CREB5: variants seen among roughly 807,000 people sequenced by gnomAD.
CREB5 encodes cAMP responsive element binding protein 5, also known as cyclic AMP-responsive element-binding protein 5.
A neutral mutation model predicts 57.1 loss-of-function variants in CREB5; 19 were observed. The observed-to-expected ratio is 0.33, with a 90% CI of 0.23 to 0.49. CREB5 has a LOEUF of 0.49. Among genes scored for constraint, CREB5 ranks in the 20% least tolerant of loss-of-function variants. The pLI is 0.99. For missense variants in CREB5, 579 were observed against 671.6 expected (o/e 0.86, Z 1.52); for synonymous variants, 238 against 238.3 (o/e 1.00, Z 0.01).
chr7:28,718,110 C>T (rs574919212), intron 5 of CREB5, among the ~76,000 whole-genome samples: 1 of 152,328 alleles, frequency 6.6e-6, no homozygotes, highest in East Asian at 1.9e-4. Context: ...CCTAACACCT[C>T]GCGTTATTAT....
intron 1 of CREB5, among the ~76,000 whole-genome samples, chr7:28,415,890 T>C (rs754552612): frequency 6.6e-6 from 1 of 152,216 alleles, no homozygotes; most frequent in Non-Finnish European, 1.5e-5. Flanking sequence ...CTGTCTGTAA[T>C]ACATTATCTT....
chr7:28,663,386 G>T (rs1276076061), intron 5 of CREB5, among the ~76,000 whole-genome samples: 1 of 151,904 alleles, frequency 6.6e-6, no homozygotes, highest in Non-Finnish European at 1.5e-5. Flanking sequence ...TGTGGGTTTT[G>T]TAGAGATGGG....
chr7:28,696,799 CG>C (rs953682774), intron 5 of CREB5, among the ~76,000 whole-genome samples: 1 of 147,952 alleles, frequency 6.8e-6, no homozygotes, highest in African/African-American at 2.6e-5. Flanking sequence ...TATACGTATA[CG>C]TATATATACA....
intron 1 of CREB5, among the ~76,000 whole-genome samples, chr7:28,423,084 T>C (rs1435112220): frequency 6.6e-6 from 1 of 152,114 alleles, no homozygotes; most frequent in Non-Finnish European, 1.5e-5. Context: ...CTTCCCTCCC[T>C]TCTTCCTTTT....
At chr7:28,319,449 T>A (rs1238097708) in intron 1 of CREB5, among the ~76,000 whole-genome samples, 1 of 152,196 alleles carries the variant, frequency 6.6e-6, no homozygotes, top group Non-Finnish European at 1.5e-5. Flanking sequence ...GTCCTTTGAT[T>A]CCCAAGATTC....
intron 4 of CREB5, among the ~76,000 whole-genome samples, chr7:28,516,620 T>A (rs1167039411): frequency 1.3e-5 from 2 of 152,124 alleles, no homozygotes; most frequent in East Asian, 3.9e-4. Flanking sequence ...TCAGTCCAAG[T>A]GGATTCTAGT....
chr7:28,376,052 C>G (rs1315280568), intron 1 of CREB5, among the ~76,000 whole-genome samples: 1 of 152,114 alleles, frequency 6.6e-6, no homozygotes, highest in African/African-American at 2.4e-5. Context: ...CCAGCTTCTC[C>G]CAACTGCTGT....
At chr7:28,688,286 A>T (rs1189274410) in intron 5 of CREB5, among the ~76,000 whole-genome samples, 2 of 152,160 alleles carry the variant, frequency 1.3e-5, no homozygotes, top group African/African-American at 4.8e-5. Context: ...GGCAGAGTAG[A>T]CAAGGGGGAG....
intron 4 of CREB5, among the ~76,000 whole-genome samples, chr7:28,567,462 GAT>G (rs1795528040): frequency 1.3e-5 from 2 of 152,196 alleles, no homozygotes; most frequent in East Asian, 3.8e-4. Flanking sequence ...TGAGCACTCT[GAT>G]ATATCAGGCA....
intron 3 of CREB5, among the ~76,000 whole-genome samples, chr7:28,496,903 G>A (rs145855061): frequency 1.3e-5 from 2 of 152,118 alleles, no homozygotes; most frequent in East Asian, 3.9e-4. Flanking sequence ...TAACAGCCTA[G>A]AAGGATTAGG....
chr7:28,593,872 A>G lies in CREB5; in HGVS notation c.464+23335A>G, dbSNP rs141172718. On this transcript the variant is annotated intron_variant, in intron 5 of 10. Transcript: ENST00000357727. ...ATCCGTTAGTGACATAAAGCCTGCC[A>G]AGTGGGAAAGAGTAAAACTATAGGA... is the stretch of plus-strand genomic sequence containing the variant. Among the ~76,000 whole-genome samples, 48 of 152,350 alleles carry G rather than the reference A, an allele frequency of 3.2e-4. No homozygotes were observed. The East Asian group carries it at 9.3e-3, about 29-fold the overall frequency.
chr7:28,465,939 C>T (rs1330550765), intron 1 of CREB5, among the ~76,000 whole-genome samples: 2 of 152,070 alleles, frequency 1.3e-5, no homozygotes, highest in African/African-American at 4.8e-5. Context: ...TGCCTCTCTG[C>T]AATGTAGCAA....
intron 1 of CREB5, among the ~76,000 whole-genome samples, chr7:28,476,088 C>T (rs1583510485): frequency 6.6e-6 from 1 of 152,148 alleles, no homozygotes; most frequent in Non-Finnish European, 1.5e-5. Context: ...CAAACCTACC[C>T]AAGCTTATAG....
At chr7:28,437,412 A>C (rs1789004979) in intron 1 of CREB5, among the ~76,000 whole-genome samples, 1 of 152,134 alleles carries the variant, frequency 6.6e-6, no homozygotes, top group Non-Finnish European at 1.5e-5. Context: ...AAACTTGCCA[A>C]GAGAGATCAC....
chr7:28,751,562 C>T (rs1448295767), intron 7 of CREB5, among the ~76,000 whole-genome samples: 1 of 145,700 alleles, frequency 6.9e-6, no homozygotes, highest in Admixed American at 6.7e-5. Context: ...GGAATAGACA[C>T]ATGTTGTTTT....
chr7:28,537,164 G>A (rs216724), intron 4 of CREB5, among the ~76,000 whole-genome samples: 91,619 of 151,848 alleles, frequency 0.6, 27,816 homozygotes, highest in South Asian at 0.71. Context: ...AGTCCAGTCA[G>A]ATTTTTTCTA....
At chr7:28,680,924 C>T (rs763485292) in intron 5 of CREB5, among the ~76,000 whole-genome samples, 1 of 152,070 alleles carries the variant, frequency 6.6e-6, no homozygotes, top group Non-Finnish European at 1.5e-5. Context: ...TTTTAGGGCA[C>T]CTCAACAACT....
chr7:28,339,593 C>G (rs1181511335), intron 1 of CREB5, among the ~76,000 whole-genome samples: 1 of 152,146 alleles, frequency 6.6e-6, no homozygotes, highest in Non-Finnish European at 1.5e-5. Context: ...CTGAAGCTAG[C>G]ACAGCACTGA....
intron 9 of CREB5, among the ~76,000 whole-genome samples, chr7:28,816,082 CACAT>C (rs1583812146): frequency 1.3e-5 from 2 of 151,792 alleles, no homozygotes; most frequent in East Asian, 3.9e-4. Flanking sequence ...CACACACACA[CACAT>C]AAACACATCT....
Sources: allele counts gnomAD v4.1 joint callset (sites outside exome capture counted in the v4.1 genomes callset), GRCh38; gene constraint gnomAD v4.1.1; transcripts MANE v1.5; gene names NCBI Gene and HGNC (gene_info 2026-07-23, HGNC 2026-07-21).